The following COG7 variants were observed in gnomAD, a reference collection of about 807,000 sequenced individuals.
COG7 encodes component of oligomeric golgi complex 7.
COG7 carries 49 observed loss-of-function variants against 91.5 expected under a neutral mutation model. That is an observed-to-expected ratio of 0.54 (90% CI 0.43 to 0.68). The LOEUF is 0.68. Ranked by LOEUF, COG7 falls within the 30% of genes least tolerant of loss-of-function variation. COG7 has a pLI of 0.00. For missense variants in COG7, 895 were observed against 961.3 expected, an observed-to-expected ratio of 0.93 and a Z score of 0.91; for synonymous variants, 365 against 388.7, an observed-to-expected ratio of 0.94 and a Z score of 0.72.
At chr16:23,443,979 C>A (rs1439921782) in intron 3 of COG7, among the ~76,000 whole-genome samples, 1 of 151,712 alleles carries the variant, frequency 6.6e-6, no homozygotes, top group African/African-American at 2.4e-5. Flanking sequence ...TGGTGAAATC[C>A]CATCTCTACT....
intron 1 of COG7, among the ~76,000 whole-genome samples, chr16:23,447,945 T>C (rs1042605548): frequency 6.6e-6 from 1 of 152,036 alleles, no homozygotes; most frequent in African/African-American, 2.4e-5. Flanking sequence ...AATCCCTGCA[T>C]AACGTGGCCC....
Position 23,424,816 on chromosome 16 carries a change from C to A in COG7, c.942G>T (p.Leu314=). 2 of 1,614,236 alleles carry A rather than the reference C, an allele frequency of 1.2e-6. No homozygotes were observed. Among genetic ancestry groups the A allele is most frequent in the Non-Finnish European group, 1.7e-6 (2 of 1,180,050 alleles). The change falls in exon 7 of 17, where the codon CTG becomes CTT. Residue 314 remains leucine (L), a synonymous_variant. Transcript: ENST00000307149. ...GGGCGGTGGCGTCGTAGAACTCCAG[C>A]AGCCTGGTGAGCTCCTGCTCGGGCC... The part of the protein sequence containing the change: ...RAGPEQELTR[L]LEFYDATAHF...
chr16:23,390,252 G>C (rs147037734), intron 16 of COG7: 7 of 150,812 alleles, frequency 4.6e-5, no homozygotes, highest in East Asian at 2.0e-4. Context: ...GCCCAGGCTG[G>C]AGTGCAATGC....
In COG7 at chr16:23,406,291, C is replaced by T. The variant is rs759095924; in HGVS notation, c.1476-29G>A. The T allele has an allele frequency of 2.5e-6, 4 of 1,589,036 alleles. No individual in the cohort carries two copies. The South Asian group carries it at 3.3e-5, about 13-fold the overall frequency. ...TAATGAAAGGAATGACCATTATGCC[C>T]TGAGCTATTTGCATGGAACTTTCTT... On this transcript the variant is annotated intron_variant, in intron 11 of 16. Transcript: ENST00000307149.
chr16:23,405,716 C>T (rs1390551709), intron 12 of COG7, among the ~76,000 whole-genome samples: 3 of 151,876 alleles, frequency 2.0e-5, no homozygotes, highest in African/African-American at 7.3e-5. Flanking sequence ...CGGGTTTCAC[C>T]ATGTTGGCCA....
At chr16:23,428,692 C>CTTT (rs898850977) in intron 6 of COG7, among the ~76,000 whole-genome samples, 3 of 134,676 alleles carry the variant, frequency 2.2e-5, no homozygotes, top group Admixed American at 7.5e-5. Context: ...TGTTTCTTTT[C>CTTT]TTTTTTTTTT....
At chr16:23,418,448 T>C (rs1963691989) in intron 8 of COG7, among the ~76,000 whole-genome samples, 1 of 152,136 alleles carries the variant, frequency 6.6e-6, no homozygotes, top group African/African-American at 2.4e-5. Context: ...AAGGCTGCAG[T>C]GAGTTGTAAT....
chr16:23,412,735 G>C (rs1283185252), intron 10 of COG7: 1 of 152,350 alleles, frequency 6.6e-6, no homozygotes, highest in Admixed American at 6.5e-5. Flanking sequence ...ACCCAGGCTG[G>C]AGTGCAGCAG....
At chr16:23,417,310 C>T in intron 8 of COG7, 189 bp from the exon 9 acceptor site, 1 of 632,372 alleles carries the variant, frequency 1.6e-6, no homozygotes, top group African/African-American at 1.8e-5. Flanking sequence ...TCAGTGGGAT[C>T]ATGGAAATTC....
At position 23,393,203 on chromosome 16, in the gene COG7, G is replaced by A. The variant is rs1963228436; in HGVS notation, c.2002+30C>T. ...ACCCTGGAAACTGACAGCTTGACTT[G>A]TAACATCGCCAGAAACGGTCCCCGC... On this transcript the variant is annotated intron_variant, in intron 15 of 16. Coordinates refer to ENST00000307149, the MANE Select transcript of COG7 (RefSeq NM_153603.4). The A allele has an allele frequency of 3.9e-6, 6 of 1,525,112 alleles. No homozygotes were observed. The South Asian group carries it at 5.6e-5, about 14-fold the overall frequency. The allele number at this position is 1,525,112 out of a possible 1,614,324, so 94.5% of individuals were successfully genotyped here. A position where few individuals can be genotyped will look rare whatever the true frequency, so the allele number is the denominator to read the frequency against.
chr16:23,437,021 G>A (rs1269885185), intron 4 of COG7, among the ~76,000 whole-genome samples: 1 of 152,156 alleles, frequency 6.6e-6, no homozygotes, highest in Non-Finnish European at 1.5e-5. Context: ...AGTACAAAGG[G>A]CCAAAGACTG....
At chr16:23,449,703 TGCACTCCATC>T (rs1279795564) in intron 1 of COG7, among the ~76,000 whole-genome samples, 1 of 148,714 alleles carries the variant, frequency 6.7e-6, no homozygotes, top group African/African-American at 2.5e-5. Flanking sequence ...ATCACGCCAT[TGCACTCCATC>T]GCACTCCATC....
intron 4 of COG7, among the ~76,000 whole-genome samples, chr16:23,436,067 C>CA (rs1033028411): frequency 2.6e-5 from 4 of 151,872 alleles, no homozygotes; most frequent in Non-Finnish European, 4.4e-5. Context: ...GACCCCTCTA[C>CA]AAAAAATAGA....
intron 2 of COG7, 102 bp downstream of exon 2, chr16:23,445,711 G>T: frequency 8.6e-7 from 1 of 1,163,690 alleles, no homozygotes; most frequent in Non-Finnish European, 1.3e-6. Context: ...GTGATGGTTG[G>T]CCTCCCAAAA....
chr16:23,414,877 T>G (rs904601562), intron 9 of COG7: 1 of 152,204 alleles, frequency 6.6e-6, no homozygotes, highest in Non-Finnish European at 1.5e-5. Context: ...GACATTTGCA[T>G]GCATCACAAG....
At chr16:23,420,910 ATT>A (rs72250117) in intron 7 of COG7, among the ~76,000 whole-genome samples, 196 of 118,466 alleles carry the variant, frequency 1.7e-3, no homozygotes, top group African/African-American at 5.9e-3. Flanking sequence ...TACCTGGCTA[ATT>A]TTTTTTTTTT....
chr16:23,432,501 GA>G (rs951088031), intron 6 of COG7, among the ~76,000 whole-genome samples: 2 of 150,982 alleles, frequency 1.3e-5, no homozygotes, highest in African/African-American at 4.9e-5. Context: ...AGGGTTTGGA[GA>G]AAAAAAATAA....
intron 14 of COG7, among the ~76,000 whole-genome samples, chr16:23,396,007 T>C (rs1261485575): frequency 2.6e-5 from 4 of 152,246 alleles, no homozygotes; most frequent in Non-Finnish European, 5.9e-5. Context: ...GTAAAGCAGC[T>C]GGCGTCCTAA....
chr16:23,434,508 A>G (rs1304167557), intron 5 of COG7, 128 bp downstream of exon 5: 2 of 753,984 alleles, frequency 2.7e-6, no homozygotes, highest in East Asian at 5.3e-5. Flanking sequence ...CTGGCTAACT[A>G]AGAGAAAAAC....
Sources: gnomAD v4.1 joint callset for allele counts (sites outside exome capture counted in the v4.1 genomes callset) on GRCh38, gnomAD v4.1.1 for gene constraint, MANE v1.5 for transcripts, NCBI Gene and HGNC (gene_info 2026-07-23, HGNC 2026-07-21) for gene names.